TOM1L1: variants seen among roughly 807,000 people sequenced by gnomAD.
TOM1L1 encodes the protein TOM1-like protein 1.
Under a neutral mutation model 63.4 loss-of-function variants are expected in TOM1L1, and 64 were observed. That is an observed-to-expected ratio of 1.01 (90% CI 0.83 to 1.24). The LOEUF is 1.24. Among genes scored for constraint, TOM1L1 ranks in the 50% most tolerant of loss-of-function variants. The probability of loss-of-function intolerance (pLI) is 0.00; values close to 1 mark genes in which losing one functional copy is unlikely to be tolerated. For missense variants in TOM1L1, 536 were observed against 567.0 expected (o/e 0.95, Z 0.55); for synonymous variants, 166 against 194.4 (o/e 0.85, Z 1.22).
chr17:54,957,111 T>C (rs1170272741), intron 14 of TOM1L1: 2 of 152,232 alleles, frequency 1.3e-5, no homozygotes, highest in Non-Finnish European at 2.9e-5. Flanking sequence ...CTCAAGTTGA[T>C]TGTACTCCTA....
chr17:54,918,622 A>C (rs1182639374), intron 7 of TOM1L1, among the ~76,000 whole-genome samples: 1 of 152,222 alleles, frequency 6.6e-6, no homozygotes, highest in African/African-American at 2.4e-5. Flanking sequence ...GTCAGATTTT[A>C]GAAAAATCCT....
At chr17:54,952,406 G>C (rs770840844) in intron 14 of TOM1L1, 6 of 152,006 alleles carry the variant, frequency 3.9e-5, no homozygotes, top group Non-Finnish European at 7.3e-5. Flanking sequence ...AATTAGGCAG[G>C]TGTGGTGGTG....
chr17:54,900,915 A>G lies in TOM1L1; in HGVS notation c.50A>G (p.His17Arg), dbSNP rs760817454. 2 of 1,613,932 alleles carry G rather than the reference A, an allele frequency of 1.2e-6. No individual in the cohort carries two copies. The highest frequency in any genetic ancestry group is 1.7e-5 in the Admixed American group (1 of 60,032). The change falls in exon 1 of 16, where the codon CAC becomes CGC. Residue 17 changes from histidine to arginine, a missense_variant. By Grantham distance (29) the His-to-Arg change is conservative. Coordinates refer to ENST00000575882, the MANE Select transcript of TOM1L1 (RefSeq NM_005486.3). ...HRDPYATSVG[H>R]LIEKATFAGV... ...GATCCCTACGCGACCTCCGTGGGCCACCTCATAGGTAAGGAGGCGCGGGGA... is the reference window on the plus strand; with the variant it reads ...GATCCCTACGCGACCTCCGTGGGCCGCCTCATAGGTAAGGAGGCGCGGGGA...
intron 8 of TOM1L1, 66 bp from the exon 9 acceptor site, chr17:54,936,580 AATT>A: frequency 1.5e-6 from 2 of 1,305,314 alleles, no homozygotes; most frequent in East Asian, 5.0e-5. Flanking sequence ...GTGTATTAAT[AATT>A]GTTAGATTTT....
intron 14 of TOM1L1, chr17:54,957,167 C>T (rs905205376): frequency 6.6e-6 from 1 of 152,264 alleles, no homozygotes; most frequent in African/African-American, 2.4e-5. Context: ...CCACCCAACC[C>T]TCTGCATCTC....
At chr17:54,905,844 A>G (rs2048399838) in intron 3 of TOM1L1, among the ~76,000 whole-genome samples, 1 of 152,186 alleles carries the variant, frequency 6.6e-6, no homozygotes, top group Non-Finnish European at 1.5e-5. Context: ...ATTAGTGGTT[A>G]ACATGTATTA....
intron 7 of TOM1L1, chr17:54,916,064 C>A: frequency 2.1e-6 from 1 of 471,472 alleles, no homozygotes; most frequent in Non-Finnish European, 3.7e-6. Flanking sequence ...GGTTTTTAGC[C>A]TCTTGCAACA....
At chr17:54,921,080 A>G (rs1388597164) in intron 7 of TOM1L1, among the ~76,000 whole-genome samples, 1 of 152,116 alleles carries the variant, frequency 6.6e-6, no homozygotes, top group Non-Finnish European at 1.5e-5. Context: ...CCAGCTCCCC[A>G]TCTTGTTTGC....
At chr17:54,924,531 G>T (rs569463642) in intron 7 of TOM1L1, among the ~76,000 whole-genome samples, 1 of 152,136 alleles carries the variant, frequency 6.6e-6, no homozygotes, top group Non-Finnish European at 1.5e-5. Context: ...ATCTTAGCAT[G>T]TTACTCTCCT....
At chr17:54,936,821 T>C in intron 9 of TOM1L1, 112 bp downstream of exon 9, 6 of 917,538 alleles carry the variant, frequency 6.5e-6, no homozygotes, top group Non-Finnish European at 9.9e-6. Flanking sequence ...GCATTCATAA[T>C]TTGGAGTGGT....
intron 12 of TOM1L1, 135 bp from the exon 13 acceptor site, chr17:54,949,383 T>A (rs1376324703): frequency 4.8e-6 from 3 of 623,278 alleles, no homozygotes; most frequent in Non-Finnish European, 8.2e-6. Context: ...AAAACTAAAG[T>A]AATAATTAAA....
At chr17:54,942,176 A>C (rs1194256919) in intron 11 of TOM1L1, 1 of 152,048 alleles carries the variant, frequency 6.6e-6, no homozygotes, top group Non-Finnish European at 1.5e-5. Flanking sequence ...GGCCAACTGC[A>C]ACCTCCACCT....
chr17:54,910,379 C>T (rs944690508), intron 3 of TOM1L1, among the ~76,000 whole-genome samples: 1 of 152,132 alleles, frequency 6.6e-6, no homozygotes, highest in African/African-American at 2.4e-5. Context: ...TCACCTGAAC[C>T]GGAGAGGCAG....
At chr17:54,915,984 AGTTGATTTCT>A in intron 7 of TOM1L1, 122 bp downstream of exon 7, 2 of 642,330 alleles carry the variant, frequency 3.1e-6, no homozygotes, top group Admixed American at 6.0e-5. Flanking sequence ...TCCTGATTTC[AGTTGATTTCT>A]AAACTTAACA....
At chr17:54,903,302 G>C (rs1257418011) in intron 1 of TOM1L1, among the ~76,000 whole-genome samples, 1 of 152,192 alleles carries the variant, frequency 6.6e-6, no homozygotes. Context: ...TAACCTCTCT[G>C]AACTTCTATC....
intron 4 of TOM1L1, 22 bp from the exon 5 acceptor site, chr17:54,913,726 T>C (rs2048535946): frequency 1.3e-6 from 2 of 1,583,042 alleles, no homozygotes; most frequent in Non-Finnish European, 1.7e-6. Context: ...ACTCTGGAAC[T>C]TTTTTCATCT....
At chr17:54,930,778 G>A (rs2048845630) in intron 8 of TOM1L1, among the ~76,000 whole-genome samples, 1 of 152,158 alleles carries the variant, frequency 6.6e-6, no homozygotes, top group Non-Finnish European at 1.5e-5. Context: ...GGAGGTGGAG[G>A]TTGTGGTGAG....
chr17:54,902,290 G>GTTTTGT (rs907195632), intron 1 of TOM1L1, among the ~76,000 whole-genome samples: 14 of 151,998 alleles, frequency 9.2e-5, no homozygotes, highest in Admixed American at 6.6e-5. Flanking sequence ...TGTTGTTGTT[G>GTTTTGT]TTTTGTTTTT....
In TOM1L1 at chr17:54,936,631, T is replaced by A. The variant is rs1374364566; in HGVS notation, c.855-18T>A. ...ATATATTTTTTTAAAAACACATGCA[T>A]TTTGATCATTTAAACAGGTTTACTA... is the stretch of plus-strand genomic sequence containing the variant. On this transcript the variant is annotated intron_variant, in intron 8 of 15. Coordinates refer to ENST00000575882, the MANE Select transcript of TOM1L1 (RefSeq NM_005486.3). 3.2e-6 allele frequency: 5 copies of A among 1,583,402 alleles called. No individual in the cohort carries two copies. Among genetic ancestry groups the A allele is most frequent in the Non-Finnish European group, 2.6e-6 (3 of 1,171,340 alleles).
Sources: allele counts gnomAD v4.1 joint callset (sites outside exome capture counted in the v4.1 genomes callset), GRCh38; gene constraint gnomAD v4.1.1; transcripts MANE v1.5; gene names NCBI Gene and HGNC (gene_info 2026-07-23, HGNC 2026-07-21).